The following IL17REL variants were observed in gnomAD, a reference collection of about 807,000 sequenced individuals.
IL17REL encodes the protein interleukin-17 receptor E-like protein.
A neutral mutation model predicts 49.0 loss-of-function variants in IL17REL; 36 were observed. The ratio of observed to expected loss-of-function variants is 0.73; its 90% CI spans 0.56 to 0.97. The LOEUF is 0.97. Among genes scored for constraint, IL17REL ranks in the 50% least tolerant of loss-of-function variants. The pLI, the probability that IL17REL is intolerant of heterozygous loss-of-function variation, is 0.00. For synonymous variants in IL17REL, 206 were observed against 192.4 expected (o/e 1.07, Z -0.58); for missense variants, 470 against 453.9 (o/e 1.04, Z -0.32).
At position 49,998,024 on chromosome 22, in the gene IL17REL, C is replaced by A. The variant is rs2146740467; in HGVS notation, c.819+1G>T. 6.3e-7 allele frequency: 1 copy of A among 1,597,032 alleles called. No homozygotes were observed. Among genetic ancestry groups the A allele is most frequent in the Non-Finnish European group, 8.5e-7 (1 of 1,176,008 alleles). On this transcript the variant is annotated splice_donor_variant, in intron 9 of 12. Transcript: ENST00000341280. LOFTEE classifies it high-confidence loss of function. ...ACTGGCAGGCTGTGGCAGCCCCTCA[C>A]CTTCAGGCAGAGCTGGGGCTGGGTG...
upstream of IL17REL, among the ~76,000 whole-genome samples, chr22:50,012,071 C>G (rs2061144054): frequency 1.8e-5 from 2 of 113,708 alleles, no homozygotes; most frequent in Admixed American, 8.5e-5. Context: ...GCGCCCTCTC[C>G]TGTAAGGCTG....
intron 1 of IL17REL, among the ~76,000 whole-genome samples, chr22:50,004,386 A>T (rs1210276083): frequency 6.6e-6 from 1 of 152,150 alleles, no homozygotes; most frequent in Non-Finnish European, 1.5e-5. Context: ...GAAATTGAAA[A>T]TTTAAAAATA....
At chr22:50,002,750 C>CCA (rs1258775617) in intron 1 of IL17REL, among the ~76,000 whole-genome samples, 1 of 152,222 alleles carries the variant, frequency 6.6e-6, no homozygotes, top group Non-Finnish European at 1.5e-5. Context: ...CCACCTCGGC[C>CCA]TCCCAAAGTG....
In IL17REL at chr22:50,000,051, G is replaced by T. The variant is rs1345742868; in HGVS notation, c.335-84C>A. On this transcript the variant is annotated intron_variant, in intron 4 of 12. Coordinates refer to ENST00000341280, the Ensembl canonical transcript of IL17REL. ...TGTCTGTCCCGAGAGCCCCGACGTG[G>T]TGGCTCCTGCTGGGTTCAGACGTTT... The T allele has an allele frequency of 5.9e-6, 8 of 1,364,626 alleles. No homozygotes were observed. The Admixed American group carries it at 2.6e-4, about 45-fold the overall frequency. 84.5% of individuals were successfully genotyped at this position (1,364,626 alleles called of 1,614,324 possible).
rs2061059764 is a variant in IL17REL at position 49,999,361 on chromosome 22, G to A, written c.547-16C>T. 6.2e-7 allele frequency: 1 copy of A among 1,612,908 alleles called. No homozygotes were observed. Among genetic ancestry groups the A allele is most frequent in the Non-Finnish European group, 8.5e-7 (1 of 1,179,990 alleles). ...CAGACCAGCCCTGTGGGAGGGGCTG[G>A]GGTCAGCGCAGCCCACCCATCCCTG... On this transcript the variant is annotated splice_polypyrimidine_tract_variant and intron_variant, in intron 6 of 12. Transcript: ENST00000341280.
rs139236588 is a variant in IL17REL, at chr22:49,997,413, G to A, written c.881C>T (p.Pro294Leu). The change falls in exon 11 of 13, where the codon CCG becomes CTG. Residue 294 changes from proline to leucine, a missense_variant. Physicochemically the swap from Pro to Leu is moderately conservative, Grantham distance 98. Transcript: ENST00000341280. ...GACACAGGTGCACCTGGAAGTGGGC[G>A]GGGCTGGACGAGAAGAAGGTGACCC... 6.2e-5 allele frequency: 100 copies of A among 1,613,390 alleles called. No individual in the cohort carries two copies. The highest frequency in any genetic ancestry group is 5.0e-4 in the Middle Eastern group (3 of 6,052).
In IL17REL at chr22:49,996,991, C is replaced by T; in HGVS notation, c.*44+3G>A. On this transcript the variant is annotated splice_donor_region_variant and intron_variant, in intron 12 of 12. Coordinates refer to ENST00000341280, the Ensembl canonical transcript of IL17REL. ...AGGGGCTGGGCACAGCAGCGACACC[C>T]ACCTGGATGCAGATGCCTGGGGCAC... The T allele has an allele frequency of 6.7e-7, 1 of 1,483,130 alleles. No individual in the cohort carries two copies. Among genetic ancestry groups the T allele is most frequent in the South Asian group, 1.3e-5 (1 of 78,068 alleles). 91.9% of individuals were successfully genotyped at this position (1,483,130 alleles called of 1,614,324 possible).
At chr22:50,000,889 G>C in intron 2 of IL17REL, 26 bp from the exon 4 acceptor site, 1 of 1,492,244 alleles carries the variant, frequency 6.7e-7, no homozygotes, top group Non-Finnish European at 8.9e-7. Flanking sequence ...ACCCGGCAGG[G>C]TGCATCAGAG....
At position 49,998,738 on chromosome 22, in the gene IL17REL, T is replaced by TGTATGTGCATGGGTGC. The variant is rs1162505996; in HGVS notation, c.602-445_602-430dup. 4.2e-3 allele frequency among the ~76,000 whole-genome samples: 627 copies of TGTATGTGCATGGGTGC among 148,414 alleles called. 2 individuals carry two copies. Among genetic ancestry groups the TGTATGTGCATGGGTGC allele is most frequent in the African/African-American group, 0.015 (598 of 39,754 alleles). On this transcript the variant is annotated intron_variant, in intron 7 of 12. Coordinates refer to ENST00000341280, the Ensembl canonical transcript of IL17REL. ...GTACGTGTTTGCATGTGTATGGGTG[T>TGTATGTGCATGGGTGC]GTATGTGCATGGGTGCGTGTGCATG...
chr22:50,011,887 T>A (rs1569213928), upstream of IL17REL, among the ~76,000 whole-genome samples: 1 of 152,204 alleles, frequency 6.6e-6, no homozygotes. Context: ...TCTTGCTAAC[T>A]GCTGTCCCCA....
At position 49,995,562 on chromosome 22, in the gene IL17REL, G is replaced by T. The variant is rs994766872; in HGVS notation, c.*1343C>A. 2.0e-5 allele frequency: 3 copies of T among 152,858 alleles called. No homozygotes were observed. In the East Asian group the frequency reaches 5.7e-4, roughly 29 times the overall value. The allele number at this position is 152,858 out of a possible 1,614,324, so 9.5% of individuals were successfully genotyped here. On this transcript the variant is annotated 3_prime_UTR_variant, in exon 13 of 13. Coordinates refer to ENST00000341280, the Ensembl canonical transcript of IL17REL. Reference sequence around the variant, plus strand: ...ATGTGTCCCTGGCACCTACTTGTTCGTGAGGAGATTCCTGGCCTCAGGCTG... The same window carrying T: ...ATGTGTCCCTGGCACCTACTTGTTCTTGAGGAGATTCCTGGCCTCAGGCTG...
rs375867857 is a variant in IL17REL, at chr22:50,000,928, C to T, written c.110-65G>A. On this transcript the variant is annotated intron_variant, in intron 2 of 12. Transcript: ENST00000341280. ...GGCCGCCCCTGGCTCCGGACGGGGCCGTGGGACCCTGTTCCTCTGCCTTCT... is the reference window on the plus strand; with the variant it reads ...GGCCGCCCCTGGCTCCGGACGGGGCTGTGGGACCCTGTTCCTCTGCCTTCT... The T allele has an allele frequency of 4.5e-5, 61 of 1,344,164 alleles. No homozygotes were observed. In the African/African-American group the frequency reaches 5.6e-4, roughly 12 times the overall value. 83.3% of individuals were successfully genotyped at this position (1,344,164 alleles called of 1,614,324 possible).
At chr22:50,006,381 A>C (rs2061110574) in intron 1 of IL17REL, among the ~76,000 whole-genome samples, 2 of 152,052 alleles carry the variant, frequency 1.3e-5, no homozygotes, top group Admixed American at 1.3e-4. Flanking sequence ...ACCCAGGAGC[A>C]ACAGGAATCC....
At chr22:49,996,802 C>G (rs2061037423) in exon 13 of IL17REL, 5 of 517,894 alleles carry the variant, frequency 9.7e-6, no homozygotes. Context: ...TGGGCACCCA[C>G]TGGAGCGGAG....
At chr22:50,004,439 A>G (rs1184276386) in intron 1 of IL17REL, among the ~76,000 whole-genome samples, 4 of 152,064 alleles carry the variant, frequency 2.6e-5, no homozygotes, top group Non-Finnish European at 1.5e-5. Context: ...TGTGCTAGGG[A>G]GTGGGGAGGG....
chr22:49,992,513 A>C (rs2146730156), downstream of IL17REL, among the ~76,000 whole-genome samples: 1 of 152,300 alleles, frequency 6.6e-6, no homozygotes, highest in East Asian at 1.9e-4. Context: ...CTGCAGCCTC[A>C]ATCCCCCAGG....
At chr22:49,998,198 C>T (rs200521763) in exon 8 of IL17REL, 69 of 1,611,786 alleles carry the variant, frequency 4.3e-5, no homozygotes, top group Non-Finnish European at 5.3e-5. Flanking sequence ...CGGCCCCGGG[C>T]GCCAGCACAG....
At chr22:49,993,591 T>C (rs538297746), downstream of IL17REL, among the ~76,000 whole-genome samples, 5 of 152,280 alleles carry the variant, frequency 3.3e-5, no homozygotes, top group Non-Finnish European at 4.4e-5. This position sits in a 1 kb window ranked among gnomAD's most constrained non-coding sequence, Gnocchi z 6.0. Flanking sequence ...TCCTCCCTTG[T>C]CTGGGAGGGA....
At chr22:49,993,562 C>G (rs989521784), downstream of IL17REL, among the ~76,000 whole-genome samples, 1 of 152,196 alleles carries the variant, frequency 6.6e-6, no homozygotes, top group Non-Finnish European at 1.5e-5. The surrounding 1 kb of genome is among the most constrained non-coding windows in gnomAD (Gnocchi z 6.0). Flanking sequence ...TGGCAGCACG[C>G]GTGTGTCCTC....
Sources: allele counts gnomAD v4.1 joint callset (sites outside exome capture counted in the v4.1 genomes callset), GRCh38; gene constraint gnomAD v4.1.1; non-coding constraint Gnocchi (gnomAD v3.1); transcripts MANE v1.5; gene names NCBI Gene and HGNC (gene_info 2026-07-23, HGNC 2026-07-21).